The following GFM2 variants were observed in gnomAD, a reference collection of about 807,000 sequenced individuals.
GFM2 encodes GTP dependent ribosome recycling factor mitochondrial 2, also known as ribosome-releasing factor 2, mitochondrial.
Under a neutral mutation model 95.4 loss-of-function variants are expected in GFM2, and 72 were observed. The ratio of observed to expected loss-of-function variants is 0.76; its 90% confidence interval spans 0.62 to 0.92. GFM2 has a LOEUF of 0.92. GFM2 is among the 40% of genes least tolerant of loss of function. The probability of loss-of-function intolerance (pLI) is 0.00; values close to 1 mark genes in which losing one functional copy is unlikely to be tolerated. For missense variants in GFM2, 825 were observed against 924.1 expected, an observed-to-expected ratio of 0.89 and a Z score of 1.39; for synonymous variants, 276 against 317.5, an observed-to-expected ratio of 0.87 and a Z score of 1.39.
chr5:74,756,277 A>T (rs897035560), intron 5 of GFM2, among the ~76,000 whole-genome samples: 30 of 150,010 alleles, frequency 2.0e-4, no homozygotes, highest in African/African-American at 7.0e-4. Context: ...ATATACATAC[A>T]TATACACATA....
At chr5:74,739,895 T>C in intron 12 of GFM2, 94 bp downstream of exon 12, 1 of 903,206 alleles carries the variant, frequency 1.1e-6, no homozygotes, top group Non-Finnish European at 1.6e-6. Flanking sequence ...CCACTATTAT[T>C]CAAAAATGGT....
intron 5 of GFM2, among the ~76,000 whole-genome samples, chr5:74,753,146 A>T (rs968062399): frequency 5.3e-5 from 8 of 152,206 alleles, no homozygotes; most frequent in African/African-American, 1.4e-4. Flanking sequence ...ATACCAACTT[A>T]AAAAAACTGT....
intron 8 of GFM2, among the ~76,000 whole-genome samples, chr5:74,746,522 A>G (rs1172218334): frequency 6.6e-6 from 1 of 152,214 alleles, no homozygotes; most frequent in African/African-American, 2.4e-5. Flanking sequence ...TGATAAGCCA[A>G]GGATTCTTTC....
intron 7 of GFM2, among the ~76,000 whole-genome samples, chr5:74,748,912 A>AATAAAAT (rs368414192): frequency 8.9e-6 from 1 of 111,982 alleles, no homozygotes; most frequent in African/African-American, 3.3e-5. Context: ...AATAAAATAA[A>AATAAAAT]AAAATAAAAA....
In GFM2 at chr5:74,721,241, AATAAG is replaced by A. The variant is rs1301647310; in HGVS notation, c.*409_*413del. On this transcript the variant is annotated 3_prime_UTR_variant, in exon 21 of 21. Transcript: ENST00000296805. ...TCAACTTTATTTTGAAATCATGTAAAATAAGATATTAGACTGTTTTTTGAATAAAA... is the reference window on the plus strand; with the variant it reads ...TCAACTTTATTTTGAAATCATGTAAAATATTAGACTGTTTTTTGAATAAAA... 8 of 1,236,574 alleles carry A rather than the reference AATAAG, an allele frequency of 6.5e-6. No homozygotes were observed. Among genetic ancestry groups the A allele is most frequent in the African/African-American group, 4.5e-5 (3 of 67,048 alleles). 76.6% of individuals were successfully genotyped at this position (1,236,574 alleles called of 1,614,324 possible).
chr5:74,743,018 C>A (rs1172425680), intron 10 of GFM2, among the ~76,000 whole-genome samples: 1 of 152,132 alleles, frequency 6.6e-6, no homozygotes, highest in Non-Finnish European at 1.5e-5. Flanking sequence ...CATTATTGCA[C>A]AATAAATCTC....
intron 7 of GFM2, 126 bp from the exon 8 acceptor site, chr5:74,747,906 C>T: frequency 3.5e-6 from 2 of 577,500 alleles, no homozygotes; most frequent in South Asian, 4.5e-5. Flanking sequence ...AGAATTAGTG[C>T]AACTGCACTT....
At position 74,726,030 on chromosome 5, in the gene GFM2, TC is replaced by T; in HGVS notation, c.1822del (p.Glu608SerfsTer13). 1 of 1,445,598 alleles carries T rather than the reference TC, an allele frequency of 6.9e-7. No individual in the cohort carries two copies. Among genetic ancestry groups the T allele is most frequent in the Non-Finnish European group, 9.5e-7 (1 of 1,049,790 alleles). 89.5% of individuals were successfully genotyped at this position (1,445,598 alleles called of 1,614,324 possible). A position where few individuals can be genotyped will look rare whatever the true frequency, so the allele number is the denominator to read the frequency against. On this transcript the variant is annotated frameshift_variant, in exon 18 of 21. Transcript: ENST00000296805. LOFTEE classifies it high-confidence loss of function. ...IETSSVMPVI[E>X]FEYAESINEG... is the part of the protein sequence containing the mutation. ...ATTGATACTTTCAGCATACTCAAAC[TC>T]AATCACAGGCATAACAGATGATGTT...
chr5:74,726,809 CTA>C (rs1464162918), intron 17 of GFM2, among the ~76,000 whole-genome samples: 1 of 152,110 alleles, frequency 6.6e-6, no homozygotes, highest in African/African-American at 2.4e-5. Context: ...GAATTATAGT[CTA>C]TAATTCTTCA....
At chr5:74,726,224 A>C in intron 17 of GFM2, 98 bp from the exon 18 acceptor site, 21 of 768,500 alleles carry the variant, frequency 2.7e-5, no homozygotes, top group Non-Finnish European at 4.0e-5. Flanking sequence ...TCAGGGTCTC[A>C]TACAAGATAA....
intron 7 of GFM2, among the ~76,000 whole-genome samples, chr5:74,749,934 C>A (rs1743609077): frequency 6.6e-6 from 1 of 152,098 alleles, no homozygotes; most frequent in East Asian, 1.9e-4. Flanking sequence ...ACACTGTGAT[C>A]CACTCCAAAT....
At chr5:74,745,483 T>G (rs768072131) in intron 10 of GFM2, among the ~76,000 whole-genome samples, 195 bp downstream of exon 10, 1 of 152,202 alleles carries the variant, frequency 6.6e-6, no homozygotes, top group Non-Finnish European at 1.5e-5. Flanking sequence ...TAGAAATGAT[T>G]TAAAGTATAG....
rs1389338010 is a variant in GFM2 at position 74,721,381 on chromosome 5, C to T, written c.*274G>A. ...CAAAAGAAACACAACTTTGTGATAC[C>T]ACTCTTCTGAAGGCTACTTATAGTA... On this transcript the variant is annotated 3_prime_UTR_variant, in exon 21 of 21. Coordinates refer to ENST00000296805, the MANE Select transcript of GFM2 (RefSeq NM_032380.5). 3 of 726,370 alleles carry T rather than the reference C, an allele frequency of 4.1e-6. No homozygotes were observed. The highest frequency in any genetic ancestry group is 5.4e-5 in the East Asian group (2 of 37,084). 45.0% of individuals were successfully genotyped at this position (726,370 alleles called of 1,614,324 possible).
At position 74,758,875 on chromosome 5, in the gene GFM2, T is replaced by C. The variant is rs1396311787; in HGVS notation, c.278A>G (p.Tyr93Cys). 2.5e-6 allele frequency: 4 copies of C among 1,604,266 alleles called. No homozygotes were observed. The highest frequency in any genetic ancestry group is 3.3e-5 in the Admixed American group (2 of 59,970). Residue 93 changes from tyrosine to cysteine, a missense_variant, in exon 5 of 21, where the codon TAT (tyrosine) becomes TGT (cysteine). Coordinates refer to ENST00000296805, the MANE Select transcript of GFM2 (RefSeq NM_032380.5). ...TCCCAGTGATCTTGTATATCCGGAA[T>C]AGTACAATATTCTTTCTGTGGTGGT... ...KTTTTERILY[Y>C]SGYTRSLGDV...
chr5:74,761,007 C>T (rs1454716760), intron 2 of GFM2, 21 bp from the exon 3 acceptor site: 2 of 1,355,956 alleles, frequency 1.5e-6, no homozygotes, highest in South Asian at 1.2e-5. Flanking sequence ...GAAAAAGAAA[C>T]TTGGCATTAA....
chr5:74,760,790 A>G, intron 3 of GFM2, 112 bp downstream of exon 3: 1 of 730,512 alleles, frequency 1.4e-6, no homozygotes, highest in South Asian at 1.7e-5. Context: ...GAAATAGCCA[A>G]GAAGTAAAAA....
chr5:74,751,033 C>T (rs913824500), intron 6 of GFM2, among the ~76,000 whole-genome samples: 6 of 152,092 alleles, frequency 3.9e-5, no homozygotes, highest in Non-Finnish European at 8.8e-5. Flanking sequence ...AGGACAAATA[C>T]GGTATGATTC....
intron 5 of GFM2, among the ~76,000 whole-genome samples, chr5:74,756,512 G>A (rs536566908): frequency 4.7e-4 from 71 of 152,182 alleles, no homozygotes; most frequent in South Asian, 4.1e-3. Context: ...TATCTTTTTC[G>A]TATAATTATT....
intron 16 of GFM2, 107 bp from the exon 17 acceptor site, chr5:74,730,505 G>C: frequency 1.4e-6 from 1 of 723,476 alleles, no homozygotes; most frequent in Non-Finnish European, 2.0e-6. Context: ...ATTAATTACA[G>C]TTTCCTTTGT....
Sources: allele counts gnomAD v4.1 joint callset (sites outside exome capture counted in the v4.1 genomes callset), GRCh38; gene constraint gnomAD v4.1.1; transcripts MANE v1.5; gene names NCBI Gene and HGNC (gene_info 2026-07-23, HGNC 2026-07-21).